The following CA10 variants were observed in gnomAD, a reference collection of about 807,000 sequenced individuals.
The protein encoded by CA10 is carbonic anhydrase 10 (inactive).
CA10 carries 14 observed loss-of-function variants against 44.2 expected under a neutral mutation model. That is an observed-to-expected ratio of 0.32 (90% CI 0.21 to 0.50). The LOEUF is 0.50. Ranked by LOEUF, CA10 falls within the 20% of genes least tolerant of loss-of-function variation. CA10 has a pLI of 0.99. For missense variants in CA10, 350 were observed against 409.7 expected (o/e 0.85, Z 1.26); for synonymous variants, 159 against 141.6 (o/e 1.12, Z -0.87).
intron 3 of CA10, among the ~76,000 whole-genome samples, chr17:51,829,075 AG>A (rs1337775493): frequency 6.6e-6 from 1 of 152,216 alleles, no homozygotes; most frequent in Non-Finnish European, 1.5e-5. Context: ...TGGCCCTGCA[AG>A]CTGAGAATGG....
chr17:51,860,992 T>G (rs1240452697), intron 3 of CA10, among the ~76,000 whole-genome samples: 1 of 152,202 alleles, frequency 6.6e-6, no homozygotes, highest in East Asian at 1.9e-4. Context: ...TCTGAAATCT[T>G]AACATAAAAT....
At position 51,719,741 on chromosome 17, in the gene CA10, T is replaced by C. The variant is rs116642584; in HGVS notation, c.465+27892A>G. On this transcript the variant is annotated intron_variant, in intron 4 of 8. Transcript: ENST00000451037. ...ATCTTTACAAAAAGTAAAAAAAAGT[T>C]AGCCAGGCATGGTGGCATGAGCCTG... Among the ~76,000 whole-genome samples the C allele has an allele frequency of 4.9e-3, 743 of 152,028 alleles. 9 individuals are homozygous for C. Among genetic ancestry groups the C allele is most frequent in the African/African-American group, 0.017 (722 of 41,454 alleles).
chr17:52,105,502 G>A (rs759670661), intron 1 of CA10, among the ~76,000 whole-genome samples: 1 of 152,040 alleles, frequency 6.6e-6, no homozygotes, highest in Non-Finnish European at 1.5e-5. Context: ...TGATCTGCCC[G>A]CCCTGGCCTC....
chr17:51,661,166 G>A (rs1433605363), intron 4 of CA10, among the ~76,000 whole-genome samples: 1 of 152,172 alleles, frequency 6.6e-6, no homozygotes, highest in East Asian at 1.9e-4. Context: ...CCAGGCATGG[G>A]CTCTATCTTA....
Position 51,984,503 on chromosome 17 carries a change from A to T in CA10, c.137-53371T>A, listed in dbSNP as rs534943514. ...ACCCAACAGAAAAAAGGAATAACCA[A>T]GATCACAGCAGAACTAAATAACATA... On this transcript the variant is annotated intron_variant, in intron 2 of 8. Coordinates refer to ENST00000451037, the MANE Select transcript of CA10 (RefSeq NM_020178.5). 2.0e-5 allele frequency among the ~76,000 whole-genome samples: 3 copies of T among 152,046 alleles called. No individual in the cohort carries two copies. The South Asian group carries it at 6.2e-4, about 31-fold the overall frequency.
intron 4 of CA10, among the ~76,000 whole-genome samples, chr17:51,722,056 C>T (rs929187): frequency 6.6e-6 from 1 of 151,876 alleles, no homozygotes; most frequent in East Asian, 1.9e-4. Flanking sequence ...TCTGATGTAA[C>T]TAAACACTTT....
chr17:51,907,611 T>C (rs1229629901), intron 3 of CA10, among the ~76,000 whole-genome samples: 1 of 152,126 alleles, frequency 6.6e-6, no homozygotes, highest in African/African-American at 2.4e-5. Flanking sequence ...TGTCTTTAGC[T>C]GATAAGAGCC....
Position 52,138,919 on chromosome 17 carries a change from G to A in CA10, c.61+18807C>T, listed in dbSNP as rs574595358. On this transcript the variant is annotated intron_variant, in intron 1 of 8. Coordinates refer to ENST00000451037, the MANE Select transcript of CA10 (RefSeq NM_020178.5). ...CAGTGGACACAGCCTCCTGTGCTAG[G>A]TTGTAAGAAGCGCTTGCAGGGAGGC... Among the ~76,000 whole-genome samples, 6 of 152,316 alleles carry A rather than the reference G, an allele frequency of 3.9e-5. No individual in the cohort carries two copies. In the East Asian group the frequency reaches 9.6e-4, roughly 24 times the overall value.
chr17:51,925,975 G>A (rs1982412691), intron 3 of CA10, among the ~76,000 whole-genome samples: 1 of 152,082 alleles, frequency 6.6e-6, no homozygotes, highest in African/African-American at 2.4e-5. Context: ...TGGGTACAGA[G>A]TTTCAAGTTG....
chr17:51,921,157 C>T (rs2143971992), intron 3 of CA10, among the ~76,000 whole-genome samples: 1 of 152,238 alleles, frequency 6.6e-6, no homozygotes, highest in Admixed American at 6.5e-5. Flanking sequence ...CCACACGTCC[C>T]ATCTAACCAC....
intron 2 of CA10, among the ~76,000 whole-genome samples, chr17:51,975,629 AGATCGCCTCACTGCACT>A (rs1422536174): frequency 1.3e-5 from 2 of 152,246 alleles, no homozygotes; most frequent in Non-Finnish European, 2.9e-5. Context: ...TGATGAGGCG[AGATCGCCTCACTGCACT>A]CCAGCCTGGG....
intron 4 of CA10, among the ~76,000 whole-genome samples, chr17:51,671,180 C>T (rs1456676383): frequency 6.6e-6 from 1 of 152,084 alleles, no homozygotes; most frequent in South Asian, 2.1e-4. Flanking sequence ...CCTGCAGGTT[C>T]TGATTGGGGG....
intron 3 of CA10, among the ~76,000 whole-genome samples, chr17:51,779,213 C>T (rs1366555250): frequency 6.6e-6 from 1 of 152,046 alleles, no homozygotes; most frequent in Non-Finnish European, 1.5e-5. Context: ...GTGGAGGGGC[C>T]TGGTGTCTCG....
chr17:51,810,003 T>C lies in CA10; in HGVS notation c.280-62185A>G, dbSNP rs535086075. Among the ~76,000 whole-genome samples, 253 of 152,184 alleles carry C rather than the reference T, an allele frequency of 1.7e-3. 1 individual carries two copies. Among genetic ancestry groups the C allele is most frequent in the Non-Finnish European group, 2.5e-3 (169 of 68,010 alleles). On this transcript the variant is annotated intron_variant, in intron 3 of 8. Coordinates refer to ENST00000451037, the MANE Select transcript of CA10 (RefSeq NM_020178.5). ...TCATCCATCTTGGAAGGGAAATGGG[T>C]CCATAATCAGATCATGAGGCCAAAA...
chr17:51,870,839 G>T (rs904630114), intron 3 of CA10, among the ~76,000 whole-genome samples: 1 of 152,062 alleles, frequency 6.6e-6, no homozygotes, highest in Admixed American at 6.6e-5. Flanking sequence ...AGAAATACAG[G>T]GGGTGGTGGG....
intron 3 of CA10, 63 bp downstream of exon 3, chr17:51,930,927 T>C: frequency 6.3e-7 from 1 of 1,585,366 alleles, no homozygotes; most frequent in Admixed American, 1.7e-5. Flanking sequence ...CCTTGAGGAT[T>C]AGCTTTCAGA....
At chr17:51,902,066 CTTAT>C (rs1981341107) in intron 3 of CA10, among the ~76,000 whole-genome samples, 1 of 152,008 alleles carries the variant, frequency 6.6e-6, no homozygotes, top group East Asian at 1.9e-4. Context: ...TCTTTTCTGT[CTTAT>C]TTTTCTCTTA....
intron 7 of CA10, 77 bp from the exon 8 acceptor site, chr17:51,633,727 C>T (rs1912699690): frequency 6.7e-7 from 1 of 1,500,112 alleles, no homozygotes; most frequent in Non-Finnish European, 9.1e-7. Context: ...CACAGAGACT[C>T]TGGCCAAGCT....
At chr17:51,760,392 A>G (rs1489198077) in intron 3 of CA10, among the ~76,000 whole-genome samples, 1 of 152,198 alleles carries the variant, frequency 6.6e-6, no homozygotes, top group African/African-American at 2.4e-5. Context: ...CACACTGAAG[A>G]CAGCCACAGT....
Sources: gnomAD v4.1 joint callset for allele counts (sites outside exome capture counted in the v4.1 genomes callset) on GRCh38, gnomAD v4.1.1 for gene constraint, MANE v1.5 for transcripts, NCBI Gene and HGNC (gene_info 2026-07-23, HGNC 2026-07-21) for gene names.